Variants in CAMK2G observed in about 807,000 individuals in gnomAD.
CAMK2G encodes the protein calcium/calmodulin-dependent protein kinase type II subunit gamma.
A neutral mutation model predicts 88.7 loss-of-function variants in CAMK2G; 23 were observed. That is an observed-to-expected ratio of 0.26 (90% confidence interval 0.19 to 0.37). CAMK2G has a LOEUF of 0.37. Among genes scored for constraint, CAMK2G ranks in the 10% least tolerant of loss-of-function variants. The probability of loss-of-function intolerance (pLI) is 1.00; values close to 1 mark genes in which losing one functional copy is unlikely to be tolerated. For missense variants in CAMK2G, 476 were observed against 780.8 expected, an observed-to-expected ratio of 0.61 and a Z score of 4.65; for synonymous variants, 263 against 294.8, an observed-to-expected ratio of 0.89 and a Z score of 1.11.
rs1310908271 is a variant in CAMK2G at position 73,842,841 on chromosome 10, G to A, written c.820-300C>T. 1.3e-5 allele frequency among the ~76,000 whole-genome samples: 2 copies of A among 152,134 alleles called. No homozygotes were observed. Among genetic ancestry groups the A allele is most frequent in the Admixed American group, 6.5e-5 (1 of 15,276 alleles). ...GGCTACCGAACAGGAGAGTACCCTG[G>A]GGGCTGTGATCCTCATTCAGTCACT... On this transcript the variant is annotated intron_variant, in intron 10 of 22. Transcript: ENST00000423381. The surrounding 1 kb of genome is among the most constrained non-coding windows in gnomAD (Gnocchi z 4.6).
chr10:73,848,152 C>T lies in CAMK2G; in HGVS notation c.602-70G>A, dbSNP rs2094382478. On this transcript the variant is annotated intron_variant, in intron 8 of 22. Coordinates refer to ENST00000423381, the MANE Select transcript of CAMK2G (RefSeq NM_001367534.1). This position sits in a 1 kb window ranked among gnomAD's most constrained non-coding sequence, Gnocchi z 4.5. ...CCCTGAGGAACCAAGAAAAACCATG[C>T]AGGGCTCAGAGCCACCTAGAAAGGC... 2.1e-6 allele frequency: 2 copies of T among 960,380 alleles called. No homozygotes were observed. Among genetic ancestry groups the T allele is most frequent in the East Asian group, 2.4e-5 (1 of 41,858 alleles). The allele number at this position is 960,380 out of a possible 1,614,324, so 59.5% of individuals were successfully genotyped here. A position where few individuals can be genotyped will look rare whatever the true frequency, so the allele number is the denominator to read the frequency against.
intron 17 of CAMK2G, among the ~76,000 whole-genome samples, chr10:73,823,276 C>T (rs59693993): frequency 0.12 from 18,468 of 151,964 alleles, 1,229 homozygotes; most frequent in South Asian, 0.2. Flanking sequence ...AGTGCAGTGG[C>T]GTGATCTCAG....
At chr10:73,840,359 T>C (rs1370744064) in intron 12 of CAMK2G, among the ~76,000 whole-genome samples, 1 of 152,204 alleles carries the variant, frequency 6.6e-6, no homozygotes, top group African/African-American at 2.4e-5. Context: ...ACATCTCCTA[T>C]TGGAGGTCAA....
chr10:73,820,326 C>T (rs1445814868), intron 18 of CAMK2G, among the ~76,000 whole-genome samples: 1 of 151,736 alleles, frequency 6.6e-6, no homozygotes, highest in East Asian at 1.9e-4. Context: ...GCTAGTGGTC[C>T]TTACGGGCCC....
intron 3 of CAMK2G, among the ~76,000 whole-genome samples, chr10:73,857,679 A>AC (rs2095140807): frequency 6.6e-6 from 1 of 152,192 alleles, no homozygotes; most frequent in South Asian, 2.1e-4. Flanking sequence ...AGGAAGACAG[A>AC]GTCTATTCAT....
chr10:73,815,065 G>A lies in CAMK2G; in HGVS notation c.1717C>T (p.Leu573Phe), dbSNP rs1473111998. 1 of 1,614,176 alleles carries A rather than the reference G, an allele frequency of 6.2e-7. No individual in the cohort carries two copies. The highest frequency in any genetic ancestry group is 8.5e-7 in the Non-Finnish European group (1 of 1,180,036). The change falls in exon 22 of 23, where the codon CTC becomes TTC. Residue 573 changes from leucine to phenylalanine, a missense_variant. Around this residue, in one of 3 missense-constraint regions of CAMK2G, gnomAD observed 278 missense variants for 366.5 expected, o/e 0.76. Transcript: ENST00000423381. ...RVWHRRDGKW[L>F]NVHYHCSGAP... ...CCTGAGCAGTGATAGTGGACATTGA[G>A]CCACTTGCCATCCCGACGGTGCCAG...
In CAMK2G at chr10:73,813,018, G is replaced by A. The variant is rs2084564391; in HGVS notation, c.*1500C>T. 1.3e-5 allele frequency: 2 copies of A among 152,728 alleles called. No homozygotes were observed. The highest frequency in any genetic ancestry group is 2.4e-5 in the African/African-American group (1 of 41,458). 9.5% of individuals were successfully genotyped at this position (152,728 alleles called of 1,614,324 possible). A position where few individuals can be genotyped will look rare whatever the true frequency, so the allele number is the denominator to read the frequency against. On this transcript the variant is annotated 3_prime_UTR_variant, in exon 23 of 23. Coordinates refer to ENST00000423381, the MANE Select transcript of CAMK2G (RefSeq NM_001367534.1). ...TCTCCCAGCTCTCGTGCCTCCTGAA[G>A]GTAGTCCAGGGAACTGGAATCTACC... is the stretch of plus-strand genomic sequence containing the variant.
Position 73,853,203 on chromosome 10 carries a change from G to C in CAMK2G, c.264C>G (p.Leu88=). 1 of 1,614,006 alleles carries C rather than the reference G, an allele frequency of 6.2e-7. No individual in the cohort carries two copies. Among genetic ancestry groups the C allele is most frequent in the Non-Finnish European group, 8.5e-7 (1 of 1,179,836 alleles). Reference sequence around the variant, plus strand: ...AAAGTGGCACTTACAGGTCAAACACGAGGTAGTGAAACCCTTCTTCAGAAA... The same window carrying C: ...AAAGTGGCACTTACAGGTCAAACACCAGGTAGTGAAACCCTTCTTCAGAAA... ...DSISEEGFHY[L]VFDLVTGGEL... is the part of the protein sequence containing the mutation. The change falls in exon 4 of 23, where the codon CTC becomes CTG. Residue 88 remains leucine, a synonymous_variant. Coordinates refer to ENST00000423381, the MANE Select transcript of CAMK2G (RefSeq NM_001367534.1).
At position 73,863,128 on chromosome 10, in the gene CAMK2G, A is replaced by G. The variant is rs187350177; in HGVS notation, c.161-2239T>C. On this transcript the variant is annotated intron_variant, in intron 2 of 22. Coordinates refer to ENST00000423381, the MANE Select transcript of CAMK2G (RefSeq NM_001367534.1). ...CTTTGTCCTAAACTTTCCCTCTAGC[A>G]ACAGCTCTACTTTGTGGAAGGAGGT... Among the ~76,000 whole-genome samples, 144 of 152,352 alleles carry G rather than the reference A, an allele frequency of 9.5e-4. 1 individual carries two copies. Among genetic ancestry groups the G allele is most frequent in the Non-Finnish European group, 2.5e-4 (17 of 68,028 alleles).
At chr10:73,817,231 A>G (rs1203038259) in intron 20 of CAMK2G, 114 bp from the exon 21 acceptor site, 20 of 1,396,874 alleles carry the variant, frequency 1.4e-5, no homozygotes, top group Non-Finnish European at 1.9e-5. Flanking sequence ...CATGCCAGAC[A>G]AGACAGCAAA....
chr10:73,852,337 A>AAGAGGGTCAGAGGCAG lies in CAMK2G; in HGVS notation c.276-34_276-19dup, dbSNP rs745925513. On this transcript the variant is annotated intron_variant, in intron 4 of 22. Coordinates refer to ENST00000423381, the MANE Select transcript of CAMK2G (RefSeq NM_001367534.1). Reference sequence around the variant, plus strand: ...CGGTAACACTGCAACCAACGGGAAGAAGAGGGTCAGAGGCAGAAAGGGTCC... The same window carrying AAGAGGGTCAGAGGCAG: ...CGGTAACACTGCAACCAACGGGAAGAAGAGGGTCAGAGGCAGAGAGGGTCAGAGGCAGAAAGGGTCC... The AAGAGGGTCAGAGGCAG allele has an allele frequency of 2.9e-5, 47 of 1,611,920 alleles. No homozygotes were observed. The highest frequency in any genetic ancestry group is 3.8e-5 in the Non-Finnish European group (45 of 1,178,050).
chr10:73,872,939 A>G (rs1435540948), intron 2 of CAMK2G, 50 bp downstream of exon 2: 1 of 1,182,214 alleles, frequency 8.5e-7, no homozygotes, highest in Non-Finnish European at 1.3e-6. Flanking sequence ...AAAAGAAACC[A>G]TGGCCCCTGG....
chr10:73,814,872 G>T, intron 22 of CAMK2G, 131 bp downstream of exon 22: 1 of 625,624 alleles, frequency 1.6e-6, no homozygotes, highest in African/African-American at 1.8e-5. Flanking sequence ...CAACCATTCT[G>T]CCAGGCTTTG....
intron 13 of CAMK2G, among the ~76,000 whole-genome samples, chr10:73,838,127 G>A (rs2134210395): frequency 6.6e-6 from 1 of 152,302 alleles, no homozygotes; most frequent in Admixed American, 6.5e-5. Flanking sequence ...CTGTGAGCAG[G>A]AAGGACTCGG....
At chr10:73,816,182 GCTT>G (rs1448086996) in intron 21 of CAMK2G, 13 of 985,360 alleles carry the variant, frequency 1.3e-5, no homozygotes, top group African/African-American at 1.7e-5. Flanking sequence ...TGATGATTCA[GCTT>G]CTTATCCCCT....
Position 73,842,296 on chromosome 10 carries a change from A to G in CAMK2G, c.904-85T>C. The G allele has an allele frequency of 7.9e-7, 1 of 1,271,816 alleles. No individual in the cohort carries two copies. The highest frequency in any genetic ancestry group is 1.2e-6 in the Non-Finnish European group (1 of 867,922). 78.8% of individuals were successfully genotyped at this position (1,271,816 alleles called of 1,614,324 possible). ...TCAGGCAAAGGCAGGTCCTGGCTAG[A>G]GCCTGAAGACATCAGGCCTCTGGGC... On this transcript the variant is annotated intron_variant, in intron 11 of 22. Transcript: ENST00000423381. This position sits in a 1 kb window ranked among gnomAD's most constrained non-coding sequence, Gnocchi z 4.6.
chr10:73,818,972 T>A, intron 19 of CAMK2G: 1 of 377,484 alleles, frequency 2.6e-6, no homozygotes, highest in South Asian at 1.9e-5. Flanking sequence ...GTCTTTTATC[T>A]AACAAGGCTC....
At position 73,824,691 on chromosome 10, in the gene CAMK2G, C is replaced by A. The variant is rs558619406; in HGVS notation, c.1155+588G>T. Among the ~76,000 whole-genome samples the A allele has an allele frequency of 1.3e-3, 204 of 152,186 alleles. 1 individual carries two copies. The highest frequency in any genetic ancestry group is 2.3e-3 in the Admixed American group (35 of 15,296). On this transcript the variant is annotated intron_variant, in intron 16 of 22. Transcript: ENST00000423381. ...TCACCTCTCCCTCTTTCCCAGTCAC[C>A]CCCCTGCTGACTCTCTAGTTAGCCA...
intron 2 of CAMK2G, among the ~76,000 whole-genome samples, chr10:73,869,534 T>G (rs2095731818): frequency 6.6e-6 from 1 of 152,206 alleles, no homozygotes; most frequent in African/African-American, 2.4e-5. Context: ...AACTTGACTC[T>G]GAGTTTCCTA....
Sources: allele counts gnomAD v4.1 joint callset (sites outside exome capture counted in the v4.1 genomes callset), GRCh38; gene constraint gnomAD v4.1.1; regional missense constraint gnomAD v4.1.1; non-coding constraint Gnocchi (gnomAD v3.1); transcripts MANE v1.5; gene names NCBI Gene and HGNC (gene_info 2026-07-23, HGNC 2026-07-21).